PTHLH: variants seen among roughly 807,000 people sequenced by gnomAD.
PTHLH encodes the protein parathyroid hormone-related protein.
In PTHLH, 5 loss-of-function variants were observed where a neutral mutation model predicts 18.6. The observed-to-expected ratio is 0.27, with a 90% CI of 0.14 to 0.56. The LOEUF is 0.56. Among genes scored for constraint, PTHLH ranks in the 20% least tolerant of loss-of-function variants. The pLI is 0.92. For missense variants in PTHLH, 207 were observed against 223.9 expected, an observed-to-expected ratio of 0.92 and a Z score of 0.48; for synonymous variants, 90 against 94.0, an observed-to-expected ratio of 0.96 and a Z score of 0.25.
intron 4 of PTHLH, among the ~76,000 whole-genome samples, chr12:27,964,552 T>C (rs10771398): frequency 0.066 from 10,006 of 151,964 alleles, 352 homozygotes; most frequent in Middle Eastern, 0.13. Flanking sequence ...CTCCTTAAAA[T>C]GGGTTTCTTT....
chr12:27,962,093 A>T, intron 5 of PTHLH: 1 of 524,446 alleles, frequency 1.9e-6, no homozygotes, highest in Non-Finnish European at 3.3e-6. Flanking sequence ...GAAAACAGGG[A>T]GATAAATCCA....
chr12:27,965,346 T>A (rs765526657), intron 4 of PTHLH, among the ~76,000 whole-genome samples: 2 of 152,254 alleles, frequency 1.3e-5, no homozygotes, highest in Non-Finnish European at 2.9e-5. Context: ...ACAGGGTATA[T>A]GCATGGGGCA....
chr12:27,971,059 G>C (rs982234416), intron 2 of PTHLH, among the ~76,000 whole-genome samples: 1 of 152,074 alleles, frequency 6.6e-6, no homozygotes, highest in South Asian at 2.1e-4. Flanking sequence ...TGCAGAGGGG[G>C]ACCGACACTC....
At chr12:27,963,066 T>G (rs1251596487) in intron 5 of PTHLH, 70 of 1,304,166 alleles carry the variant, frequency 5.4e-5, no homozygotes, top group Non-Finnish European at 6.2e-5. Context: ...GAATATGAAA[T>G]TATTTGGTAG....
chr12:27,967,586 C>T (rs1773339812), intron 4 of PTHLH, among the ~76,000 whole-genome samples: 4 of 152,184 alleles, frequency 2.6e-5, no homozygotes, highest in Admixed American at 2.6e-4. Flanking sequence ...TTTTTAAAAA[C>T]TCCATTTGGC....
At chr12:27,960,800 T>C (rs2347591) in intron 5 of PTHLH, among the ~76,000 whole-genome samples, 146,968 of 151,860 alleles carry the variant, frequency 0.97, 71,166 homozygotes, top group East Asian at 1. Context: ...TATCATCAGA[T>C]CTCTTGGTTC....
intron 5 of PTHLH, among the ~76,000 whole-genome samples, chr12:27,959,119 A>C (rs2062734239): frequency 6.6e-6 from 1 of 152,216 alleles, no homozygotes; most frequent in African/African-American, 2.4e-5. Flanking sequence ...AGTTAAATAG[A>C]GTTGATGGTA....
chr12:27,963,083 A>G (rs984046245), intron 5 of PTHLH: 6 of 1,367,450 alleles, frequency 4.4e-6, no homozygotes, highest in Admixed American at 6.2e-5. Flanking sequence ...GTAGAGTGGT[A>G]AAGGATTGAT....
Position 27,963,834 on chromosome 12 carries a change from A to G in PTHLH, c.102-64T>C, listed in dbSNP as rs143336733. 1.3e-4 allele frequency: 196 copies of G among 1,507,492 alleles called. 3 individuals are homozygous for G. The East Asian group carries it at 4.3e-3, about 33-fold the overall frequency. The allele number at this position is 1,507,492 out of a possible 1,614,324, so 93.4% of individuals were successfully genotyped here. ...ATTTTAGTTGCTGATAGAGACAACA[A>G]AGACATGAGTAAATCTCTTTAGTTT... On this transcript the variant is annotated intron_variant, in intron 4 of 5. Coordinates refer to ENST00000545234, the MANE Select transcript of PTHLH (RefSeq NM_198965.2).
chr12:27,972,245 A>C (rs562407786), intron 1 of PTHLH, among the ~76,000 whole-genome samples: 2 of 152,298 alleles, frequency 1.3e-5, no homozygotes, highest in African/African-American at 4.8e-5. Context: ...TGTTGTAAAT[A>C]AATTCACTTT....
intron 4 of PTHLH, among the ~76,000 whole-genome samples, chr12:27,964,471 CAGAGAGAGAGAG>C (rs10551155): frequency 6.7e-6 from 1 of 148,748 alleles, no homozygotes; most frequent in African/African-American, 2.5e-5. Flanking sequence ...GGCCAATCGT[CAGAGAGAGAGAG>C]AGAGAGAGAG....
At chr12:27,958,719 G>T (rs1320009336) in intron 5 of PTHLH, 151 bp from the exon 6 acceptor site, 3 of 688,308 alleles carry the variant, frequency 4.4e-6, no homozygotes. Context: ...CCTGCAAGAG[G>T]TATCTGTGGG....
At chr12:27,965,336 A>C (rs1170121757) in intron 4 of PTHLH, among the ~76,000 whole-genome samples, 1 of 152,252 alleles carries the variant, frequency 6.6e-6, no homozygotes, top group Non-Finnish European at 1.5e-5. Flanking sequence ...TAAGGAGAGT[A>C]CAGGGTATAT....
intron 3 of PTHLH, 66 bp from the exon 4 acceptor site, chr12:27,969,582 T>C: frequency 7.6e-7 from 1 of 1,321,584 alleles, no homozygotes; most frequent in Non-Finnish European, 1.1e-6. Context: ...ACTACTCCGC[T>C]CCCCCTTTTT....
intron 4 of PTHLH, 139 bp from the exon 5 acceptor site, chr12:27,963,909 G>T: frequency 1.2e-6 from 1 of 835,962 alleles, no homozygotes; most frequent in Non-Finnish European, 1.9e-6. Flanking sequence ...CAAGCTCATT[G>T]CGCAGGGAAG....
chr12:27,969,598 G>T lies in PTHLH; in HGVS notation c.-22-82C>A, dbSNP rs1047949297. The T allele has an allele frequency of 5.0e-5, 62 of 1,244,040 alleles. No homozygotes were observed. The South Asian group carries it at 7.1e-4, about 14-fold the overall frequency. 77.1% of individuals were successfully genotyped at this position (1,244,040 alleles called of 1,614,324 possible). On this transcript the variant is annotated intron_variant, in intron 3 of 5. Coordinates refer to ENST00000545234, the MANE Select transcript of PTHLH (RefSeq NM_198965.2). ...CTACTCCGCTCCCCCTTTTTAGCCC[G>T]CTCTCAAAAAGCCTCTTCAACATCA...
intron 1 of PTHLH, among the ~76,000 whole-genome samples, 190 bp downstream of exon 1, chr12:27,972,332 CA>C (rs890871957): frequency 1.3e-5 from 2 of 152,106 alleles, no homozygotes; most frequent in Non-Finnish European, 2.9e-5. Flanking sequence ...ACTAATTAAA[CA>C]AAATTAACCC....
intron 5 of PTHLH, chr12:27,961,858 A>G: frequency 4.6e-6 from 3 of 654,164 alleles, no homozygotes; most frequent in Non-Finnish European, 8.1e-6. Context: ...GCATCATCCT[A>G]TAATCCTATC....
chr12:27,971,004 C>T (rs1397214085), intron 2 of PTHLH, among the ~76,000 whole-genome samples: 1 of 152,118 alleles, frequency 6.6e-6, no homozygotes, highest in East Asian at 1.9e-4. Context: ...ACATCTGGAG[C>T]CGGTCCCAAA....
Sources: allele counts gnomAD v4.1 joint callset (sites outside exome capture counted in the v4.1 genomes callset), GRCh38; gene constraint gnomAD v4.1.1; transcripts MANE v1.5; gene names NCBI Gene and HGNC (gene_info 2026-07-23, HGNC 2026-07-21).